Variants in AFG2A observed in about 807,000 individuals in gnomAD.
AFG2A encodes the protein ATPase family gene 2 protein homolog A.
chr4:122,951,464 G>GCACA, the AFG2A span, among the ~76,000 whole-genome samples: 2 of 111,810 alleles, frequency 1.8e-5, no homozygotes, highest in African/African-American at 5.8e-5. Context: ...ACACACGCAC[G>GCACA]CACACACATG....
At chr4:123,056,109 A>G in the AFG2A span, among the ~76,000 whole-genome samples, 1 of 152,222 alleles carries the variant, frequency 6.6e-6, no homozygotes, top group Non-Finnish European at 1.5e-5. Flanking sequence ...GATATAGTGT[A>G]AAAATGTGGA....
At chr4:123,227,995 T>C in the AFG2A span, among the ~76,000 whole-genome samples, 1 of 152,158 alleles carries the variant, frequency 6.6e-6, no homozygotes, top group South Asian at 2.1e-4. Context: ...TGATCTTTGT[T>C]GGTTTAAAGT....
chr4:123,022,437 G>C, the AFG2A span, among the ~76,000 whole-genome samples: 25 of 151,720 alleles, frequency 1.6e-4, no homozygotes, highest in African/African-American at 4.4e-4. Flanking sequence ...TGAAAAAATG[G>C]TCATCATCAC....
the AFG2A span, among the ~76,000 whole-genome samples, chr4:123,295,281 A>C: frequency 6.6e-6 from 1 of 152,196 alleles, no homozygotes; most frequent in Admixed American, 6.5e-5. Flanking sequence ...GGTTGGGGCA[A>C]GGTGAAAAAT....
At chr4:123,298,370 C>T in the AFG2A span, among the ~76,000 whole-genome samples, 1 of 152,344 alleles carries the variant, frequency 6.6e-6, no homozygotes, top group East Asian at 1.9e-4. Context: ...ATCCCGATGG[C>T]ATCCCAGGCC....
the AFG2A span, among the ~76,000 whole-genome samples, chr4:122,997,974 C>T: frequency 1.3e-5 from 2 of 152,072 alleles, no homozygotes; most frequent in African/African-American, 2.4e-5. Context: ...CAGATCCTTT[C>T]CCATTCTTAA....
At chr4:123,188,686 G>A in the AFG2A span, among the ~76,000 whole-genome samples, 3 of 152,034 alleles carry the variant, frequency 2.0e-5, no homozygotes, top group South Asian at 2.1e-4. Context: ...CATCACTTCT[G>A]TTTTAAAATG....
At chr4:123,318,988 T>C in the AFG2A span, 1 of 152,336 alleles carries the variant, frequency 6.6e-6, no homozygotes, top group East Asian at 1.9e-4. Flanking sequence ...GACATGTCTT[T>C]TTAGTGTTCC....
At chr4:123,024,424 A>G in the AFG2A span, among the ~76,000 whole-genome samples, 1 of 152,290 alleles carries the variant, frequency 6.6e-6, no homozygotes, top group East Asian at 1.9e-4. Flanking sequence ...GTTCTCCAAA[A>G]GGCTCTGCTA....
At chr4:123,175,946 G>A in the AFG2A span, among the ~76,000 whole-genome samples, 65 of 152,314 alleles carry the variant, frequency 4.3e-4, no homozygotes, top group African/African-American at 1.5e-3. Flanking sequence ...GGGTGTCTTA[G>A]CAAGAGGATG....
the AFG2A span, among the ~76,000 whole-genome samples, chr4:123,213,577 T>G: frequency 1.3e-5 from 2 of 152,284 alleles, no homozygotes; most frequent in South Asian, 4.1e-4. Context: ...ATTAGTGAAG[T>G]CAGTGAATAT....
chr4:123,055,971 T>C, the AFG2A span, among the ~76,000 whole-genome samples: 1 of 152,248 alleles, frequency 6.6e-6, no homozygotes, highest in Non-Finnish European at 1.5e-5. Context: ...ATAAGAAATA[T>C]TAAAGTTCAG....
the AFG2A span, among the ~76,000 whole-genome samples, chr4:123,188,548 C>G: frequency 6.6e-6 from 1 of 152,172 alleles, no homozygotes; most frequent in African/African-American, 2.4e-5. Context: ...AGTGATTAGA[C>G]TACACTTGTT....
At chr4:123,270,285 A>C in the AFG2A span, among the ~76,000 whole-genome samples, 92 of 152,342 alleles carry the variant, frequency 6.0e-4, 2 homozygotes, top group South Asian at 0.019. Flanking sequence ...CCTGTGCACC[A>C]TGAAAATGTA....
the AFG2A span, chr4:122,934,171 C>T: frequency 9.3e-6 from 15 of 1,613,920 alleles, no homozygotes; most frequent in East Asian, 4.5e-5. Context: ...GCAAGTATTG[C>T]GAGTGAAAGG....
the AFG2A span, among the ~76,000 whole-genome samples, chr4:123,007,642 A>ATATACACACAC: frequency 3.9e-5 from 1 of 25,510 alleles, no homozygotes; most frequent in African/African-American, 9.9e-5. Flanking sequence ...ACACACACAC[A>ATATACACACAC]ACACACACAC....
At chr4:123,010,902 C>T in the AFG2A span, among the ~76,000 whole-genome samples, 1 of 152,222 alleles carries the variant, frequency 6.6e-6, no homozygotes. Flanking sequence ...ATACCCCCAG[C>T]TATTACATGT....
chr4:122,943,745 T>G, the AFG2A span, among the ~76,000 whole-genome samples: 2 of 152,228 alleles, frequency 1.3e-5, no homozygotes, highest in Non-Finnish European at 2.9e-5. Flanking sequence ...GGTCTTTACA[T>G]TTTGGCATGA....
the AFG2A span, among the ~76,000 whole-genome samples, chr4:123,004,289 G>A: frequency 6.6e-6 from 1 of 152,162 alleles, no homozygotes; most frequent in South Asian, 2.1e-4. Flanking sequence ...GGCCTGCTTC[G>A]GCCGGCACAC....
Sources: allele counts gnomAD v4.1 joint callset (sites outside exome capture counted in the v4.1 genomes callset), GRCh38; gene constraint gnomAD v4.1.1; transcripts MANE v1.5; gene names NCBI Gene and HGNC (gene_info 2026-07-23, HGNC 2026-07-21).